The following NPAS3 variants were observed in gnomAD, a reference collection of about 807,000 sequenced individuals.
The protein encoded by NPAS3 is neuronal PAS domain protein 3, also known as neuronal PAS domain-containing protein 3.
In NPAS3, 14 loss-of-function variants were observed where a neutral mutation model predicts 73.1. The ratio of observed to expected loss-of-function variants is 0.19; its 90% confidence interval spans 0.13 to 0.30. The LOEUF is 0.30. Ranked by LOEUF, NPAS3 falls within the 10% of genes least tolerant of loss-of-function variation. The probability of loss-of-function intolerance (pLI) is 1.00; values close to 1 mark genes in which losing one functional copy is unlikely to be tolerated. For synonymous variants in NPAS3, 620 were observed against 541.5 expected, an observed-to-expected ratio of 1.14 and a Z score of -2.01; for missense variants, 1,096 against 1,250.0, an observed-to-expected ratio of 0.88 and a Z score of 1.86.
At chr14:33,125,332 G>C (rs980271074) in intron 2 of NPAS3, among the ~76,000 whole-genome samples, 3 of 152,064 alleles carry the variant, frequency 2.0e-5, no homozygotes, top group African/African-American at 7.2e-5. Context: ...AGAAAAGAGT[G>C]AAATTTATCT....
At chr14:32,945,365 G>T (rs1280606295) in intron 1 of NPAS3, among the ~76,000 whole-genome samples, 2 of 152,136 alleles carry the variant, frequency 1.3e-5, no homozygotes, top group African/African-American at 2.4e-5. Context: ...ATACGATGAT[G>T]ATTATATAAT....
intron 1 of NPAS3, among the ~76,000 whole-genome samples, chr14:32,993,515 C>G (rs888011812): frequency 6.6e-6 from 1 of 151,874 alleles, no homozygotes; most frequent in African/African-American, 2.4e-5. Context: ...TAAGCAAATG[C>G]GCAAAGTGAA....
intron 4 of NPAS3, among the ~76,000 whole-genome samples, chr14:33,504,750 C>T (rs1388122541): frequency 6.6e-6 from 1 of 151,952 alleles, no homozygotes; most frequent in African/African-American, 2.4e-5. Context: ...AACACAGTCC[C>T]TGCTATGGTG....
intron 2 of NPAS3, among the ~76,000 whole-genome samples, chr14:33,073,342 G>C (rs2138664009): frequency 6.6e-6 from 1 of 152,302 alleles, no homozygotes; most frequent in Non-Finnish European, 1.5e-5. Context: ...ATAGCATAGA[G>C]TTTATATTAA....
At chr14:33,550,992 G>A (rs1374474824) in intron 4 of NPAS3, among the ~76,000 whole-genome samples, 1 of 152,020 alleles carries the variant, frequency 6.6e-6, no homozygotes, top group East Asian at 1.9e-4. Context: ...AGCTGTATGT[G>A]GTTCTACTAA....
At chr14:32,969,774 G>T (rs1377562144) in intron 1 of NPAS3, among the ~76,000 whole-genome samples, 2 of 152,154 alleles carry the variant, frequency 1.3e-5, no homozygotes, top group Non-Finnish European at 2.9e-5. Context: ...TAAATGATAG[G>T]TCGTGGAATT....
chr14:33,581,634 G>T (rs912998827), intron 5 of NPAS3, among the ~76,000 whole-genome samples: 2 of 152,024 alleles, frequency 1.3e-5, no homozygotes, highest in Admixed American at 6.6e-5. Context: ...GCAGTGTCAC[G>T]ATCAGAGCTC....
chr14:33,130,913 A>C (rs746866829), intron 2 of NPAS3, among the ~76,000 whole-genome samples: 7 of 152,166 alleles, frequency 4.6e-5, no homozygotes, highest in Non-Finnish European at 7.3e-5. Flanking sequence ...AGAAACCTTC[A>C]ATTTTTCAGC....
intron 2 of NPAS3, among the ~76,000 whole-genome samples, chr14:33,123,124 TTAAA>T (rs1595495666): frequency 6.6e-6 from 1 of 152,028 alleles, no homozygotes; most frequent in African/African-American, 2.4e-5. Flanking sequence ...ATTTAGATAA[TTAAA>T]TAATAGTATT....
At chr14:32,988,617 G>A (rs373295466) in intron 1 of NPAS3, among the ~76,000 whole-genome samples, 4 of 152,258 alleles carry the variant, frequency 2.6e-5, no homozygotes, top group African/African-American at 9.6e-5. Context: ...CCTGGAGGTT[G>A]AATCTGGTTT....
At chr14:33,167,827 CGAT>C (rs985979890) in intron 2 of NPAS3, among the ~76,000 whole-genome samples, 5 of 152,128 alleles carry the variant, frequency 3.3e-5, no homozygotes, top group African/African-American at 9.7e-5. Flanking sequence ...GGGAAGTTTA[CGAT>C]GATATTTGCA....
At chr14:33,543,623 G>A (rs1247558418) in intron 4 of NPAS3, among the ~76,000 whole-genome samples, 1 of 152,040 alleles carries the variant, frequency 6.6e-6, no homozygotes, top group Non-Finnish European at 1.5e-5. Flanking sequence ...ACCAAGGTTT[G>A]GCTTAAACCA....
At chr14:33,117,084 A>C (rs1035255175) in intron 2 of NPAS3, among the ~76,000 whole-genome samples, 1 of 152,188 alleles carries the variant, frequency 6.6e-6, no homozygotes, top group African/African-American at 2.4e-5. Flanking sequence ...TTGACACATT[A>C]TAGTTGTTCG....
At chr14:33,153,917 A>T (rs1482856548) in intron 2 of NPAS3, among the ~76,000 whole-genome samples, 1 of 152,108 alleles carries the variant, frequency 6.6e-6, no homozygotes, top group African/African-American at 2.4e-5. Flanking sequence ...TTCATGGCTG[A>T]TATCTCTTCC....
At chr14:33,293,903 C>A (rs1294573362) in intron 3 of NPAS3, among the ~76,000 whole-genome samples, 4 of 152,232 alleles carry the variant, frequency 2.6e-5, no homozygotes, top group East Asian at 1.9e-4. Context: ...GTAAAAGAAT[C>A]TTTGGCCACT....
At chr14:32,967,583 T>C (rs1027432481) in intron 1 of NPAS3, among the ~76,000 whole-genome samples, 13 of 152,152 alleles carry the variant, frequency 8.5e-5, no homozygotes, top group Non-Finnish European at 1.8e-4. Flanking sequence ...GGTACATGAA[T>C]AAATGTTCGA....
At chr14:32,981,041 G>A (rs1465269289) in intron 1 of NPAS3, among the ~76,000 whole-genome samples, 1 of 152,094 alleles carries the variant, frequency 6.6e-6, no homozygotes, top group African/African-American at 2.4e-5. Context: ...GGCTCACACA[G>A]AAGAACTCGG....
chr14:33,084,084 A>G (rs1161210460), intron 2 of NPAS3, among the ~76,000 whole-genome samples: 2 of 152,218 alleles, frequency 1.3e-5, no homozygotes, highest in African/African-American at 4.8e-5. Flanking sequence ...AAGTATATCA[A>G]AAAGAGTGGG....
chr14:33,226,585 A>G (rs2047642302), intron 3 of NPAS3, among the ~76,000 whole-genome samples: 1 of 152,170 alleles, frequency 6.6e-6, no homozygotes, highest in Admixed American at 6.5e-5. Flanking sequence ...AACATAATAT[A>G]ATTTTCATAA....
Sources: gnomAD v4.1 joint callset for allele counts (sites outside exome capture counted in the v4.1 genomes callset) on GRCh38, gnomAD v4.1.1 for gene constraint, MANE v1.5 for transcripts, NCBI Gene and HGNC (gene_info 2026-07-23, HGNC 2026-07-21) for gene names.